Variants in CSMD3 observed in about 807,000 individuals in gnomAD.
CSMD3 encodes CUB and sushi domain-containing protein 3.
A neutral mutation model predicts 435.2 loss-of-function variants in CSMD3; 177 were observed. That is an observed-to-expected ratio of 0.41 (90% CI 0.36 to 0.46). The LOEUF (loss-of-function observed/expected upper bound fraction) is 0.46. Ranked by LOEUF, CSMD3 falls within the 20% of genes least tolerant of loss-of-function variation. The pLI is 0.34. For missense variants in CSMD3, 4,265 were observed against 4,504.6 expected (o/e 0.95, Z 1.52); for synonymous variants, 1,656 against 1,520.5 (o/e 1.09, Z -2.07).
chr8:113,296,627 G>A (rs1464564000), intron 2 of CSMD3, among the ~76,000 whole-genome samples: 4 of 152,068 alleles, frequency 2.6e-5, no homozygotes, highest in Non-Finnish European at 5.9e-5. Context: ...TTCTAGAAGG[G>A]ATTTTCATGA....
Position 113,220,482 on chromosome 8 carries a change from T to C in CSMD3, c.515-46566A>G, listed in dbSNP as rs186356322. On this transcript the variant is annotated intron_variant, in intron 3 of 70. Transcript: ENST00000297405. The stretch of plus-strand genomic sequence containing the variant: ...ATATTAAATGTATTAAGCATCAAGA[T>C]AACTAGTAAAGTAATAATCATAATA... Among the ~76,000 whole-genome samples, 828 of 151,402 alleles carry C rather than the reference T, an allele frequency of 5.5e-3. 12 individuals carry two copies. The highest frequency in any genetic ancestry group is 0.019 in the African/African-American group (798 of 41,418).
At chr8:113,078,695 A>C (rs962318055) in intron 5 of CSMD3, among the ~76,000 whole-genome samples, 2 of 152,152 alleles carry the variant, frequency 1.3e-5, no homozygotes, top group African/African-American at 2.4e-5. Flanking sequence ...AAGTCCATTT[A>C]TTTTCCTCCT....
intron 13 of CSMD3, among the ~76,000 whole-genome samples, chr8:112,693,207 T>C (rs1217934648): frequency 6.6e-6 from 1 of 152,054 alleles, no homozygotes; most frequent in African/African-American, 2.4e-5. Context: ...ACAAATAATG[T>C]CTTATTTTAG....
intron 10 of CSMD3, among the ~76,000 whole-genome samples, chr8:112,915,035 A>G (rs1691695888): frequency 6.6e-6 from 1 of 151,972 alleles, no homozygotes; most frequent in African/African-American, 2.4e-5. Context: ...CAGCAAATAT[A>G]GGAAATAAGT....
chr8:113,342,679 G>A (rs907625382), intron 1 of CSMD3, among the ~76,000 whole-genome samples: 3 of 152,088 alleles, frequency 2.0e-5, no homozygotes, highest in Non-Finnish European at 2.9e-5. Context: ...AAGTTTGGCA[G>A]CTGAGTCTTG....
chr8:112,730,964 G>T (rs2077061453), intron 13 of CSMD3, among the ~76,000 whole-genome samples: 1 of 152,080 alleles, frequency 6.6e-6, no homozygotes, highest in Non-Finnish European at 1.5e-5. Context: ...TGTATGCAAA[G>T]AATGAAAGCA....
At chr8:112,275,874 G>A (rs773104535) in intron 59 of CSMD3, among the ~76,000 whole-genome samples, 6 of 152,040 alleles carry the variant, frequency 3.9e-5, no homozygotes, top group African/African-American at 4.8e-5. Context: ...TATTCCAAGC[G>A]TGGCCCCTCA....
chr8:113,029,791 G>A (rs2087015086), intron 5 of CSMD3, among the ~76,000 whole-genome samples: 2 of 151,396 alleles, frequency 1.3e-5, no homozygotes, highest in Admixed American at 1.3e-4. Context: ...TCAGACAAGA[G>A]AAAGAAATAA....
intron 47 of CSMD3, among the ~76,000 whole-genome samples, chr8:112,315,293 T>C (rs769405178): frequency 2.0e-5 from 3 of 151,930 alleles, no homozygotes; most frequent in South Asian, 2.1e-4. Context: ...AAATGTGTTA[T>C]ACATTGACAA....
chr8:112,999,646 G>T (rs1369570228), intron 6 of CSMD3, among the ~76,000 whole-genome samples: 2 of 151,444 alleles, frequency 1.3e-5, no homozygotes, highest in African/African-American at 4.9e-5. Context: ...GACCTTTTAG[G>T]AAAGGTCAAA....
chr8:112,355,439 T>C (rs527413581), intron 38 of CSMD3, among the ~76,000 whole-genome samples: 2 of 152,186 alleles, frequency 1.3e-5, no homozygotes, highest in Non-Finnish European at 2.9e-5. Flanking sequence ...AAAATGTTCA[T>C]AATGGGAGAA....
At chr8:112,657,676 T>G (rs915542631) in intron 17 of CSMD3, among the ~76,000 whole-genome samples, 4 of 152,206 alleles carry the variant, frequency 2.6e-5, no homozygotes, top group African/African-American at 9.6e-5. Context: ...TGTGAACTCA[T>G]GGAGTACTAA....
At chr8:113,044,525 C>T in intron 5 of CSMD3, among the ~76,000 whole-genome samples, 1 of 149,146 alleles carries the variant, frequency 6.7e-6, no homozygotes, top group Admixed American at 6.7e-5. Flanking sequence ...ATACAATATT[C>T]TATAAAGTAT....
At chr8:112,556,458 T>C (rs1388796088) in intron 25 of CSMD3, among the ~76,000 whole-genome samples, 3 of 152,010 alleles carry the variant, frequency 2.0e-5, no homozygotes, top group Admixed American at 2.0e-4. Context: ...TGTGTATAAT[T>C]AAAAGTCTTA....
intron 38 of CSMD3, among the ~76,000 whole-genome samples, chr8:112,360,905 T>C (rs1586875000): frequency 6.6e-6 from 1 of 151,972 alleles, no homozygotes; most frequent in African/African-American, 2.4e-5. Flanking sequence ...GTAAAGAAAA[T>C]GAAACAAAAA....
chr8:112,725,668 T>C (rs1260473856), intron 13 of CSMD3, among the ~76,000 whole-genome samples: 1 of 151,860 alleles, frequency 6.6e-6, no homozygotes, highest in Non-Finnish European at 1.5e-5. Flanking sequence ...TCTTATAATA[T>C]CAATGCACAG....
rs1359319114 is a variant in CSMD3, at chr8:113,076,331, T to C, written c.917+22425A>G. 2.0e-5 allele frequency among the ~76,000 whole-genome samples: 3 copies of C among 152,032 alleles called. No homozygotes were observed. The East Asian group carries it at 5.8e-4, about 29-fold the overall frequency. On this transcript the variant is annotated intron_variant, in intron 5 of 70. Transcript: ENST00000297405. ...TTTTGCTGCCACTGTCAAGGGCAAA[T>C]TTGTGAACTGATCATAACATTGGTC...
intron 29 of CSMD3, 139 bp downstream of exon 29, chr8:112,506,552 C>T: frequency 1.3e-6 from 1 of 778,778 alleles, no homozygotes; most frequent in Non-Finnish European, 2.1e-6. Context: ...AAAGCTAGAA[C>T]AACTATTAGC....
intron 7 of CSMD3, among the ~76,000 whole-genome samples, chr8:112,964,605 T>C (rs1160694044): frequency 6.6e-6 from 1 of 151,980 alleles, no homozygotes; most frequent in Non-Finnish European, 1.5e-5. Flanking sequence ...AAATCATCTT[T>C]GGCTGCATTC....
Sources: gnomAD v4.1 joint callset for allele counts (sites outside exome capture counted in the v4.1 genomes callset) on GRCh38, gnomAD v4.1.1 for gene constraint, MANE v1.5 for transcripts, NCBI Gene and HGNC (gene_info 2026-07-23, HGNC 2026-07-21) for gene names.